The following PXDNL variants were observed in gnomAD, a reference collection of about 807,000 sequenced individuals.
PXDNL encodes peroxidasin like.
PXDNL carries 145 observed loss-of-function variants against 150.8 expected under a neutral mutation model. The ratio of observed to expected loss-of-function variants is 0.96; its 90% CI spans 0.84 to 1.10. The LOEUF is 1.10. Ranked by LOEUF, PXDNL falls within the 50% of genes least tolerant of loss-of-function variation. The pLI is 0.00. For missense variants in PXDNL, 2,087 were observed against 1,873.9 expected, an observed-to-expected ratio of 1.11 and a Z score of -2.10; for synonymous variants, 757 against 725.7, an observed-to-expected ratio of 1.04 and a Z score of -0.69.
intron 1 of PXDNL, among the ~76,000 whole-genome samples, chr8:51,661,919 A>T (rs1487339863): frequency 6.6e-6 from 1 of 151,192 alleles, no homozygotes. Flanking sequence ...GCACTTATAC[A>T]TAAAAAGGAA....
In PXDNL at chr8:51,603,452, A is replaced by G. The variant is rs113178526; in HGVS notation, c.237-10754T>C. Among the ~76,000 whole-genome samples the G allele has an allele frequency of 2.1e-3, 327 of 152,124 alleles. 2 individuals are homozygous for G. The highest frequency in any genetic ancestry group is 7.6e-3 in the African/African-American group (315 of 41,544). On this transcript the variant is annotated intron_variant, in intron 2 of 22. Transcript: ENST00000356297. Reference sequence around the variant, plus strand: ...GTGCTATGTAGTTCTTAATGAGTCTATTGATACTTCTTATATCTTCCAGTT... The same window carrying G: ...GTGCTATGTAGTTCTTAATGAGTCTGTTGATACTTCTTATATCTTCCAGTT...
intron 1 of PXDNL, among the ~76,000 whole-genome samples, chr8:51,675,162 G>T (rs894830416): frequency 1.3e-5 from 2 of 152,132 alleles, no homozygotes; most frequent in African/African-American, 4.8e-5. Context: ...GAGCACTGTT[G>T]CTCCCCTTTT....
In PXDNL at chr8:51,409,274, C is replaced by G. The variant is rs780050657; in HGVS notation, c.2350G>C (p.Ala784Pro). Residue 784 changes from alanine to proline, a missense_variant, in exon 17 of 23, where the codon GCC becomes CCC. Transcript: ENST00000356297. ...GCCGCCGCGCGCGCCCACACTGTGG[C>G]GACCAGCCGGGGCGGCGGGAGGGGC... ...RQPLPPPRLV[A>P]TVWARAAAVT... The G allele has an allele frequency of 4.4e-4, 626 of 1,439,000 alleles. No individual in the cohort carries two copies. The highest frequency in any genetic ancestry group is 5.2e-4 in the Non-Finnish European group (575 of 1,101,916). 89.1% of individuals were successfully genotyped at this position (1,439,000 alleles called of 1,614,324 possible).
In PXDNL at chr8:51,651,339, G is replaced by A. The variant is rs369436655; in HGVS notation, c.236+3350C>T. Among the ~76,000 whole-genome samples, 5 of 152,288 alleles carry A rather than the reference G, an allele frequency of 3.3e-5. No individual in the cohort carries two copies. In the East Asian group the frequency reaches 5.8e-4, roughly 18 times the overall value. ...CAAAATGTTAACTAGTGAATTTTAC[G>A]TAAAATGTACAAAGCAATTATCATG... On this transcript the variant is annotated intron_variant, in intron 2 of 22. Coordinates refer to ENST00000356297, the MANE Select transcript of PXDNL (RefSeq NM_144651.5).
intron 14 of PXDNL, among the ~76,000 whole-genome samples, chr8:51,419,643 C>T (rs976145799): frequency 7.2e-5 from 11 of 152,214 alleles, no homozygotes; most frequent in African/African-American, 2.2e-4. Flanking sequence ...ATCATTTTCA[C>T]GAGGACGAAA....
intron 20 of PXDNL, 49 bp from the exon 21 acceptor site, chr8:51,339,802 G>A: frequency 6.4e-7 from 1 of 1,559,320 alleles, no homozygotes; most frequent in Middle Eastern, 1.7e-4. Flanking sequence ...AAAGTCGTGT[G>A]AGAATTTTAA....
intron 11 of PXDNL, among the ~76,000 whole-genome samples, chr8:51,447,936 A>G (rs945863338): frequency 6.6e-6 from 1 of 152,174 alleles, no homozygotes; most frequent in Non-Finnish European, 1.5e-5. Flanking sequence ...CACAGCAACA[A>G]AGACTCTGGC....
intron 2 of PXDNL, among the ~76,000 whole-genome samples, chr8:51,626,170 A>G (rs767543398): frequency 5.9e-5 from 9 of 152,228 alleles, no homozygotes; most frequent in Non-Finnish European, 1.3e-4. Flanking sequence ...AACGAGAATG[A>G]ACACATATAA....
chr8:51,554,162 C>A (rs1449550596), intron 4 of PXDNL, among the ~76,000 whole-genome samples: 2 of 152,186 alleles, frequency 1.3e-5, no homozygotes, highest in Non-Finnish European at 2.9e-5. Context: ...AGGCTTACCA[C>A]TTGCATTCCT....
In PXDNL at chr8:51,352,714, AG is replaced by A. The variant is rs1401804089; in HGVS notation, c.3902-6768del. Among the ~76,000 whole-genome samples, 145 of 152,302 alleles carry A rather than the reference AG, an allele frequency of 9.5e-4. 2 individuals are homozygous for A. Among genetic ancestry groups the A allele is most frequent in the African/African-American group, 3.2e-3 (134 of 41,556 alleles). ...TTTTATTTGTAAATTATCCAATCTC[AG>A]GTAGTACCTCTATAACAGTGTGGAA... On this transcript the variant is annotated intron_variant, in intron 19 of 22. Transcript: ENST00000356297.
intron 2 of PXDNL, among the ~76,000 whole-genome samples, chr8:51,631,670 T>C (rs1423854126): frequency 1.3e-5 from 2 of 152,166 alleles, no homozygotes; most frequent in Admixed American, 6.5e-5. Flanking sequence ...AAGTCTTCTT[T>C]TGATTTCCCA....
At chr8:51,760,710 G>A (rs1160738768) in intron 1 of PXDNL, among the ~76,000 whole-genome samples, 4 of 152,054 alleles carry the variant, frequency 2.6e-5, no homozygotes, top group Admixed American at 1.3e-4. Context: ...ATAATCATGC[G>A]TGCACATTGG....
At chr8:51,619,433 G>T (rs1164020754) in intron 2 of PXDNL, among the ~76,000 whole-genome samples, 1 of 152,160 alleles carries the variant, frequency 6.6e-6, no homozygotes, top group Non-Finnish European at 1.5e-5. Context: ...GCCTTGCCAG[G>T]TAATATGATT....
chr8:51,717,612 C>T (rs1488201937), intron 1 of PXDNL, among the ~76,000 whole-genome samples: 1 of 152,170 alleles, frequency 6.6e-6, no homozygotes, highest in East Asian at 1.9e-4. Context: ...GCTGGAAGCA[C>T]AAGCTACAAG....
Position 51,766,350 on chromosome 8 carries a change from T to C in PXDNL, c.164+42831A>G, listed in dbSNP as rs182578965. On this transcript the variant is annotated intron_variant, in intron 1 of 22. Coordinates refer to ENST00000356297, the MANE Select transcript of PXDNL (RefSeq NM_144651.5). ...ACAGCATTTTGTCATTATTATTTTATCCAGTTTTCTTTTAAATCAGAAGAA... is the reference window on the plus strand; with the variant it reads ...ACAGCATTTTGTCATTATTATTTTACCCAGTTTTCTTTTAAATCAGAAGAA... Among the ~76,000 whole-genome samples, 5 of 152,340 alleles carry C rather than the reference T, an allele frequency of 3.3e-5. No homozygotes were observed. The East Asian group carries it at 9.6e-4, about 29-fold the overall frequency.
intron 1 of PXDNL, among the ~76,000 whole-genome samples, chr8:51,738,235 TG>T (rs1817079193): frequency 6.6e-6 from 1 of 152,226 alleles, no homozygotes; most frequent in Admixed American, 6.5e-5. Flanking sequence ...TTCAGGGTTT[TG>T]TTTTAAGTAG....
intron 4 of PXDNL, among the ~76,000 whole-genome samples, chr8:51,538,921 T>C (rs1445603695): frequency 6.6e-6 from 1 of 152,236 alleles, no homozygotes; most frequent in East Asian, 1.9e-4. Flanking sequence ...TTTTGTTTTA[T>C]GTTTTTTGTT....
At chr8:51,321,960 A>C (rs1387583549) in intron 21 of PXDNL, among the ~76,000 whole-genome samples, 1 of 70,288 alleles carries the variant, frequency 1.4e-5, no homozygotes, top group Non-Finnish European at 2.7e-5. Flanking sequence ...GAAGGATGTA[A>C]TTAAGGTTAA....
chr8:51,686,599 T>C (rs1815882429), intron 1 of PXDNL, among the ~76,000 whole-genome samples: 1 of 152,202 alleles, frequency 6.6e-6, no homozygotes, highest in Non-Finnish European at 1.5e-5. Flanking sequence ...CGTGTTGCTT[T>C]ATATGCATGA....
Sources: gnomAD v4.1 joint callset for allele counts (sites outside exome capture counted in the v4.1 genomes callset) on GRCh38, gnomAD v4.1.1 for gene constraint, MANE v1.5 for transcripts, NCBI Gene and HGNC (gene_info 2026-07-23, HGNC 2026-07-21) for gene names.